Variants in ZMIZ1 observed in about 807,000 individuals in gnomAD.
The protein encoded by ZMIZ1 is zinc finger MIZ domain-containing protein 1.
Under a neutral mutation model 113.9 loss-of-function variants are expected in ZMIZ1, and 17 were observed. The ratio of observed to expected loss-of-function variants is 0.15; its 90% confidence interval spans 0.10 to 0.22. The LOEUF (loss-of-function observed/expected upper bound fraction) is 0.22. Ranked by LOEUF, ZMIZ1 falls within the 10% of genes least tolerant of loss-of-function variation. The pLI is 1.00. For synonymous variants in ZMIZ1, 607 were observed against 603.1 expected, an observed-to-expected ratio of 1.01 and a Z score of -0.09; for missense variants, 1,059 against 1,477.8, an observed-to-expected ratio of 0.72 and a Z score of 4.65.
intron 3 of ZMIZ1, among the ~76,000 whole-genome samples, chr10:79,156,422 G>T (rs1845905013): frequency 6.6e-6 from 1 of 152,138 alleles, no homozygotes; most frequent in South Asian, 2.1e-4. Context: ...GACTTCCCAC[G>T]ATCTCAGCTT....
chr10:79,214,064 A>T (rs1174812058), intron 6 of ZMIZ1, among the ~76,000 whole-genome samples: 1 of 152,230 alleles, frequency 6.6e-6, no homozygotes, highest in Non-Finnish European at 1.5e-5. Context: ...GGAGGGCACC[A>T]GAGTCCACGT....
At chr10:79,298,913 G>A in intron 15 of ZMIZ1, 137 bp from the exon 16 acceptor site, 1 of 1,175,646 alleles carries the variant, frequency 8.5e-7, no homozygotes, top group East Asian at 2.6e-5. Context: ...CCCTTGGACT[G>A]GCTATGTCTC....
At chr10:79,145,898 A>G (rs1395651233) in intron 3 of ZMIZ1, among the ~76,000 whole-genome samples, 3 of 152,078 alleles carry the variant, frequency 2.0e-5, no homozygotes, top group African/African-American at 4.8e-5. Flanking sequence ...ATTAGAGACA[A>G]GGTCTCACTA....
At chr10:79,134,470 T>G (rs1253993612) in intron 2 of ZMIZ1, among the ~76,000 whole-genome samples, 1 of 152,204 alleles carries the variant, frequency 6.6e-6, no homozygotes, top group Admixed American at 6.5e-5. Flanking sequence ...CTCCAACTCA[T>G]GCAGAGGAAA....
chr10:79,305,919 TC>T (rs1854660281), intron 21 of ZMIZ1, among the ~76,000 whole-genome samples, 180 bp from the exon 22 acceptor site: 1 of 152,298 alleles, frequency 6.6e-6, no homozygotes, highest in South Asian at 2.1e-4. Flanking sequence ...AGCCTCAGTC[TC>T]CCCATATGTC....
intron 7 of ZMIZ1, among the ~76,000 whole-genome samples, chr10:79,240,638 C>G (rs897876705): frequency 3.6e-5 from 2 of 55,312 alleles, no homozygotes; most frequent in South Asian, 1.9e-3. Context: ...GAGTATTTAT[C>G]TTTTTTTTTT....
intron 4 of ZMIZ1, among the ~76,000 whole-genome samples, chr10:79,193,097 G>A (rs747405854): frequency 3.9e-5 from 6 of 152,192 alleles, no homozygotes; most frequent in South Asian, 2.1e-4. Flanking sequence ...AGCCACCTGC[G>A]ACGTGACCAC....
chr10:79,137,044 TTCTGATTCTAAATATATA>T (rs1396760736), intron 2 of ZMIZ1, among the ~76,000 whole-genome samples: 1 of 152,236 alleles, frequency 6.6e-6, no homozygotes, highest in Non-Finnish European at 1.5e-5. Flanking sequence ...GTGATTTCTT[TTCTGATTCTAAATATATA>T]TTTGTAATGT....
chr10:79,075,557 C>A (rs79999281), intron 1 of ZMIZ1, among the ~76,000 whole-genome samples: 2 of 81,750 alleles, frequency 2.4e-5, no homozygotes, highest in South Asian at 3.8e-4. Context: ...CTGCACACAG[C>A]TGCACACACA....
intron 7 of ZMIZ1, among the ~76,000 whole-genome samples, chr10:79,251,680 G>A (rs1183994374): frequency 2.0e-5 from 3 of 152,234 alleles, no homozygotes; most frequent in Non-Finnish European, 4.4e-5. Context: ...TTGGCCAGAA[G>A]CTCAGGGCTC....
intron 3 of ZMIZ1, among the ~76,000 whole-genome samples, chr10:79,147,888 G>A (rs1472109876): frequency 6.6e-6 from 1 of 152,220 alleles, no homozygotes; most frequent in South Asian, 2.1e-4. Context: ...AGAGGCCCTG[G>A]GCTCGGACAC....
At chr10:79,137,228 G>A (rs1845045909) in intron 2 of ZMIZ1, among the ~76,000 whole-genome samples, 2 of 152,118 alleles carry the variant, frequency 1.3e-5, no homozygotes, top group African/African-American at 2.4e-5. Context: ...CCAGCCTTGG[G>A]GTCCCAGGGA....
At chr10:79,137,661 G>A (rs951110553) in intron 2 of ZMIZ1, among the ~76,000 whole-genome samples, 1 of 152,178 alleles carries the variant, frequency 6.6e-6, no homozygotes, top group South Asian at 2.1e-4. Context: ...TGCCCTCTGG[G>A]AGCTCTCCCG....
At chr10:79,266,044 C>A (rs781426581) in intron 7 of ZMIZ1, among the ~76,000 whole-genome samples, 1 of 152,230 alleles carries the variant, frequency 6.6e-6, no homozygotes, top group East Asian at 1.9e-4. Flanking sequence ...CATGCAAGGT[C>A]AAGACTGGCC....
intron 23 of ZMIZ1, among the ~76,000 whole-genome samples, chr10:79,308,556 A>G (rs1377805863): frequency 6.6e-6 from 1 of 152,210 alleles, no homozygotes; most frequent in East Asian, 1.9e-4. Flanking sequence ...CCTCTGGATT[A>G]TACTGCCTTC....
Position 79,214,211 on chromosome 10 carries a change from T to C in ZMIZ1, c.175-1958T>C, listed in dbSNP as rs1471815908. On this transcript the variant is annotated intron_variant, in intron 6 of 24. Coordinates refer to ENST00000334512, the MANE Select transcript of ZMIZ1 (RefSeq NM_020338.4). ...TTTTCTATGTGGACAGTGAGACTTATGGTGAGGATGTCCCAGAGACTGGGA... is the reference window on the plus strand; with the variant it reads ...TTTTCTATGTGGACAGTGAGACTTACGGTGAGGATGTCCCAGAGACTGGGA... 3.9e-5 allele frequency among the ~76,000 whole-genome samples: 6 copies of C among 152,102 alleles called. No homozygotes were observed. In the South Asian group the frequency reaches 6.2e-4, roughly 16 times the overall value.
At chr10:79,207,253 A>C (rs1478555963) in intron 5 of ZMIZ1, among the ~76,000 whole-genome samples, 1 of 152,084 alleles carries the variant, frequency 6.6e-6, no homozygotes, top group Non-Finnish European at 1.5e-5. Flanking sequence ...AGGCAATGGG[A>C]CCTCAGGAGG....
intron 1 of ZMIZ1, among the ~76,000 whole-genome samples, chr10:79,087,167 C>T (rs1842843544): frequency 6.6e-6 from 1 of 152,254 alleles, no homozygotes; most frequent in Admixed American, 6.5e-5. Flanking sequence ...TGTGTGGTAG[C>T]GCATGTTGCG....
At chr10:79,293,848 C>A in intron 12 of ZMIZ1, 195 bp downstream of exon 12, 1 of 814,144 alleles carries the variant, frequency 1.2e-6, no homozygotes, top group Non-Finnish European at 2.0e-6. Context: ...GACCTCGAGC[C>A]AGTCACCCTG....
Sources: allele counts gnomAD v4.1 joint callset (sites outside exome capture counted in the v4.1 genomes callset), GRCh38; gene constraint gnomAD v4.1.1; transcripts MANE v1.5; gene names NCBI Gene and HGNC (gene_info 2026-07-23, HGNC 2026-07-21).